ERG: variants seen among roughly 807,000 people sequenced by gnomAD.
ERG encodes ETS transcription factor ERG, also known as transcriptional regulator ERG.
A neutral mutation model predicts 55.3 loss-of-function variants in ERG; 9 were observed. The ratio of observed to expected loss-of-function variants is 0.16; its 90% CI spans 0.10 to 0.28. The LOEUF (loss-of-function observed/expected upper bound fraction) is 0.28, where lower values mean the gene tolerates loss of function less well. ERG is among the 10% of genes least tolerant of loss of function. ERG has a pLI of 1.00. For missense variants in ERG, 434 were observed against 631.6 expected, an observed-to-expected ratio of 0.69 and a Z score of 3.35; for synonymous variants, 223 against 237.3, an observed-to-expected ratio of 0.94 and a Z score of 0.55.
At chr21:38,376,363 T>C (rs1359013937), downstream of ERG, among the ~76,000 whole-genome samples, 1 of 152,178 alleles carries the variant, frequency 6.6e-6, no homozygotes, top group Non-Finnish European at 1.5e-5. Flanking sequence ...CAGTTGTTAC[T>C]CTCGCTCTCT....
chr21:38,374,093 T>G, the ERG span, among the ~76,000 whole-genome samples: 2 of 152,228 alleles, frequency 1.3e-5, no homozygotes, highest in Non-Finnish European at 2.9e-5. Context: ...CTTAGGGACA[T>G]CTCCCAAAAC....
chr21:38,573,074 T>C (rs910757044), intron 2 of ERG, among the ~76,000 whole-genome samples: 1 of 152,392 alleles, frequency 6.6e-6, no homozygotes, highest in East Asian at 1.9e-4. Flanking sequence ...GTAAGGGATC[T>C]AGGGCTGTGC....
intron 4 of ERG, 41 bp downstream of exon 4, chr21:38,403,465 A>G (rs1988606885): frequency 1.3e-6 from 2 of 1,596,668 alleles, no homozygotes; most frequent in South Asian, 1.1e-5. Flanking sequence ...CATAAGAACC[A>G]TAGCCACAGC....
At chr21:38,588,312 A>AC (rs5843918), upstream of ERG, among the ~76,000 whole-genome samples, 42,980 of 151,592 alleles carry the variant, frequency 0.28, 6,934 homozygotes, top group Middle Eastern at 0.35. Context: ...CTGAAGAGAC[A>AC]CCCCCCACCA....
intron 2 of ERG, among the ~76,000 whole-genome samples, chr21:38,539,303 T>G (rs1456735639): frequency 1.3e-5 from 2 of 152,218 alleles, no homozygotes; most frequent in African/African-American, 2.4e-5. Context: ...GTGCTGTAGG[T>G]GCAAAATATA....
chr21:38,371,892 C>T, the ERG span, among the ~76,000 whole-genome samples: 41 of 151,860 alleles, frequency 2.7e-4, no homozygotes, highest in Middle Eastern at 6.8e-3. Flanking sequence ...GAGTATTATT[C>T]TTTTTTATAT....
intron 1 of ERG, among the ~76,000 whole-genome samples, chr21:38,478,899 C>T (rs972216498): frequency 1.3e-5 from 2 of 152,150 alleles, no homozygotes; most frequent in Non-Finnish European, 2.9e-5. Flanking sequence ...CCAGGCTTGA[C>T]ACATAGAATG....
At chr21:38,453,651 G>A (rs1055842517) in intron 1 of ERG, among the ~76,000 whole-genome samples, 1 of 152,088 alleles carries the variant, frequency 6.6e-6, no homozygotes, top group African/African-American at 2.4e-5. Flanking sequence ...GGCAGGCCGA[G>A]GCAGGTGGAT....
intron 2 of ERG, among the ~76,000 whole-genome samples, chr21:38,548,955 A>G (rs1366163985): frequency 6.6e-6 from 1 of 151,376 alleles, no homozygotes; most frequent in African/African-American, 2.4e-5. Context: ...CTAAAAAAAT[A>G]CAAAAAAATT....
chr21:38,588,561 T>C (rs1034927807), upstream of ERG, among the ~76,000 whole-genome samples: 2 of 152,002 alleles, frequency 1.3e-5, no homozygotes, highest in South Asian at 2.1e-4. Context: ...GGGCCCCAAG[T>C]TTATGCTGAC....
intron 1 of ERG, among the ~76,000 whole-genome samples, chr21:38,458,004 A>T (rs2059006039): frequency 6.6e-6 from 1 of 152,118 alleles, no homozygotes; most frequent in Admixed American, 6.5e-5. Context: ...ACTTAAAAAT[A>T]AAAAAAAGTG....
chr21:38,466,086 T>C (rs1601444063), intron 1 of ERG, among the ~76,000 whole-genome samples: 1 of 152,234 alleles, frequency 6.6e-6, no homozygotes, highest in African/African-American at 2.4e-5. Context: ...ATTATTTATA[T>C]AATTTTAAAG....
chr21:38,618,528 C>T (rs539692693), intron 1 of ERG, among the ~76,000 whole-genome samples: 29 of 152,246 alleles, frequency 1.9e-4, no homozygotes, highest in African/African-American at 5.8e-4. Flanking sequence ...CAAGAGCAGG[C>T]AAGCTCTCTC....
At position 38,400,642 on chromosome 21, in the gene ERG, C is replaced by T. The variant is rs1988444402; in HGVS notation, c.677G>A (p.Gly226Asp). The change falls in exon 6 of 10, where the codon GGT (glycine) becomes GAT (aspartate). Residue 226 changes from glycine (G) to aspartate (D), a missense_variant. Transcript: ENST00000288319. ...AGTATTTGGGAAAATAAAAGCTGCA[C>T]CCCCTGCAGACAAAAGGAAAGACAA... is the stretch of plus-strand genomic sequence containing the variant. The part of the protein sequence containing the change: ...PRLMHARNTG[G>D]AAFIFPNTSV... The T allele has an allele frequency of 5.0e-6, 8 of 1,601,298 alleles. No individual in the cohort carries two copies. Among genetic ancestry groups the T allele is most frequent in the Non-Finnish European group, 6.0e-6 (7 of 1,169,832 alleles).
In ERG at chr21:38,602,867, C is replaced by T. The variant is rs566321569; in HGVS notation, c.-149-17922G>A. 1.3e-4 allele frequency among the ~76,000 whole-genome samples: 19 copies of T among 151,964 alleles called. 1 individual carries two copies. In the South Asian group the frequency reaches 2.5e-3, roughly 20 times the overall value. On this transcript the variant is annotated intron_variant, in intron 1 of 10. Transcript: ENST00000398910. The stretch of plus-strand genomic sequence containing the variant: ...GCTGGTGGAGTCCTCAAGAAAAAAA[C>T]GACGATTCCAGTGGGAATGAATTTC...
intron 1 of ERG, among the ~76,000 whole-genome samples, chr21:38,466,504 A>G (rs2059091901): frequency 6.6e-6 from 1 of 152,160 alleles, no homozygotes; most frequent in Non-Finnish European, 1.5e-5. Context: ...TAATTCCTAC[A>G]CAGTGTACTA....
intron 2 of ERG, among the ~76,000 whole-genome samples, chr21:38,568,942 C>T (rs1269030611): frequency 2.6e-5 from 4 of 152,172 alleles, no homozygotes; most frequent in Non-Finnish European, 4.4e-5. Flanking sequence ...GCAGAAGCAG[C>T]GGCTGCTGAA....
intron 1 of ERG, among the ~76,000 whole-genome samples, chr21:38,579,726 T>G (rs1443193173): frequency 6.6e-6 from 1 of 151,918 alleles, no homozygotes; most frequent in Non-Finnish European, 1.5e-5. Context: ...ACTGCCACCC[T>G]CCACACCAGC....
chr21:38,458,933 T>C lies in ERG; in HGVS notation c.19-13312A>G, dbSNP rs573051551. Among the ~76,000 whole-genome samples the C allele has an allele frequency of 2.6e-5, 4 of 152,306 alleles. No homozygotes were observed. The South Asian group carries it at 8.3e-4, about 32-fold the overall frequency. ...CCCAGCTGGTCTCTTTGTTACCTACTCAAGAGCAGTTCATACTGTTGGCCA... is the reference window on the plus strand; with the variant it reads ...CCCAGCTGGTCTCTTTGTTACCTACCCAAGAGCAGTTCATACTGTTGGCCA... On this transcript the variant is annotated intron_variant, in intron 1 of 9. Transcript: ENST00000288319.
Sources: gnomAD v4.1 joint callset for allele counts (sites outside exome capture counted in the v4.1 genomes callset) on GRCh38, gnomAD v4.1.1 for gene constraint, MANE v1.5 for transcripts, NCBI Gene and HGNC (gene_info 2026-07-23, HGNC 2026-07-21) for gene names.